Variants in CYP2D6 observed in about 807,000 individuals in gnomAD.
CYP2D6 encodes cytochrome P450 family 2 subfamily D member 6 (gene/pseudogene).
In CYP2D6, 51 loss-of-function variants were observed where a neutral mutation model predicts 43.5. The observed-to-expected ratio is 1.17, with a 90% confidence interval of 0.94 to 1.48. CYP2D6 has a LOEUF of 1.48. Ranked by LOEUF, CYP2D6 falls within the 40% of genes most tolerant of loss-of-function variation. The probability of loss-of-function intolerance (pLI) is 0.00; values close to 1 mark genes in which losing one functional copy is unlikely to be tolerated. For missense variants in CYP2D6, 698 were observed against 688.0 expected (o/e 1.01, Z -0.16); for synonymous variants, 346 against 297.1 (o/e 1.16, Z -1.69).
In CYP2D6 at chr22:42,127,912, G is replaced by A. The variant is rs769291734; in HGVS notation, c.915C>T (p.Ala305=). Residue 305 remains alanine (A), a synonymous_variant, in exon 6 of 9, where the codon GCC becomes GCT. Transcript: ENST00000645361. ...GCGTGGTCGAGGTGGTCACCATCCC[G>A]GCAGAGAACAGGTCAGCCACCACTA... ...LRIVVADLFS[A]GMVTTSTTLA... The A allele has an allele frequency of 5.8e-5, 94 of 1,610,852 alleles. 1 individual carries two copies. Among genetic ancestry groups the A allele is most frequent in the South Asian group, 2.0e-4 (18 of 90,926 alleles).
rs770318615 is a variant in CYP2D6, at chr22:42,128,392, G to C, written c.667-42C>G. 10 of 1,596,968 alleles carry C rather than the reference G, an allele frequency of 6.3e-6. 1 individual carries two copies. The South Asian group carries it at 6.6e-5, about 11-fold the overall frequency. On this transcript the variant is annotated intron_variant, in intron 4 of 8. Coordinates refer to ENST00000645361, the MANE Select transcript of CYP2D6 (RefSeq NM_000106.6). ...GGGGTCTCAATCCCTCCTGTGCTCTGCGTTCACCTGGACAAGTCTCAGGCC... is the reference window on the plus strand; with the variant it reads ...GGGGTCTCAATCCCTCCTGTGCTCTCCGTTCACCTGGACAAGTCTCAGGCC...
At chr22:42,129,560 GC>G (rs756069363) in intron 2 of CYP2D6, among the ~76,000 whole-genome samples, 177 bp downstream of exon 2, 1 of 151,440 alleles carries the variant, frequency 6.6e-6, no homozygotes, top group African/African-American at 2.4e-5. Flanking sequence ...CTCGTCACAA[GC>G]CCCGCCCTCG....
intron 6 of CYP2D6, 38 bp downstream of exon 6, chr22:42,127,804 C>A (rs747917111): frequency 1.2e-6 from 2 of 1,607,258 alleles, no homozygotes; most frequent in Admixed American, 3.3e-5. Flanking sequence ...TGTACCCTTC[C>A]TCCCTCGGCC....
At chr22:42,130,587 C>G in intron 1 of CYP2D6, 25 bp downstream of exon 1, 2 of 1,528,088 alleles carry the variant, frequency 1.3e-6, no homozygotes, top group Non-Finnish European at 1.8e-6. Flanking sequence ...GCACCTCTGC[C>G]GCCCTCCAGG....
Position 42,129,713 on chromosome 22 carries a change from T to C in CYP2D6, c.352+25A>G, listed in dbSNP as rs200491483. 211 of 1,608,950 alleles carry C rather than the reference T, an allele frequency of 1.3e-4. 10 individuals carry two copies. Among genetic ancestry groups the C allele is most frequent in the Middle Eastern group, 5.0e-4 (3 of 6,056 alleles). On this transcript the variant is annotated intron_variant, in intron 2 of 8. Coordinates refer to ENST00000645361, the MANE Select transcript of CYP2D6 (RefSeq NM_000106.6). ...CACCCACCCGGGTCCCACGGAAATC[T>C]GTCTCTGTCCCCACCGCTGCTTGCC...
Position 42,128,345 on chromosome 22 carries a change from C to G in CYP2D6, c.672G>C (p.Leu224=). 1.2e-6 allele frequency: 2 copies of G among 1,610,200 alleles called. No homozygotes were observed. Among genetic ancestry groups the G allele is most frequent in the Non-Finnish European group, 8.5e-7 (1 of 1,177,702 alleles). The change falls in exon 5 of 9, where the codon CTG becomes CTC. Residue 224 remains leucine, a synonymous_variant. Coordinates refer to ENST00000645361, the MANE Select transcript of CYP2D6 (RefSeq NM_000106.6). ...KEESGFLREV[L]NAVPVLLHIP... Reference sequence around the variant, plus strand: ...TATGCAGGAGGACGGGGACAGCATTCAGCACCTACACCAGACAGAACGGGG... The same window carrying G: ...TATGCAGGAGGACGGGGACAGCATTGAGCACCTACACCAGACAGAACGGGG...
rs781257816 is a variant in CYP2D6, at chr22:42,128,877, G to A, written c.573C>T (p.Cys191=). The A allele has an allele frequency of 5.0e-5, 80 of 1,599,744 alleles. No individual in the cohort carries two copies. The highest frequency in any genetic ancestry group is 5.0e-4 in the Middle Eastern group (3 of 6,060). Residue 191 remains cysteine, a synonymous_variant, in exon 4 of 9, where the codon TGC becomes TGT. Transcript: ENST00000645361. ...GGTCGTCGTACTCGAAGCGGCGCCC[G>A]CAGGTGAGGGAGGCGATCACGTTGC... ...AVSNVIASLT[C]GRRFEYDDPR... is the part of the protein sequence containing the mutation.
Position 42,129,835 on chromosome 22 carries a change from C to T in CYP2D6, c.255G>A (p.Ala85=), listed in dbSNP as rs189455593. The T allele has an allele frequency of 2.4e-5, 38 of 1,599,532 alleles. 2 individuals are homozygous for T. The African/African-American group carries it at 3.1e-4, about 13-fold the overall frequency. ...GGGTCACCAGCGCCTCGCGCACGGC[C>T]GCCAGCCCATTGAGCACGACCACCG... ...WTPVVVLNGL[A]AVREALVTHG... Residue 85 remains alanine, a synonymous_variant, in exon 2 of 9, where the codon GCG becomes GCA. Coordinates refer to ENST00000645361, the MANE Select transcript of CYP2D6 (RefSeq NM_000106.6).
intron 7 of CYP2D6, 57 bp from the exon 8 acceptor site, chr22:42,127,049 T>A (rs1338643051): frequency 6.4e-7 from 1 of 1,559,832 alleles, no homozygotes; most frequent in Non-Finnish European, 8.7e-7. Context: ...CTGGGACCCC[T>A]GCCACCAAAC....
chr22:42,129,949 C>A lies in CYP2D6; in HGVS notation c.181-40G>T, dbSNP rs79712708. ...TCAGGGCCTCTTGTCAAGCCAGGAT[C>A]ACCCCAGACTACAGGTCCTAGTCCT... On this transcript the variant is annotated intron_variant, in intron 1 of 8. Transcript: ENST00000645361. 132 of 1,504,164 alleles carry A rather than the reference C, an allele frequency of 8.8e-5. 3 individuals are homozygous for A. The highest frequency in any genetic ancestry group is 1.1e-4 in the Non-Finnish European group (127 of 1,121,038). The allele number at this position is 1,504,164 out of a possible 1,614,324, so 93.2% of individuals were successfully genotyped here. A position where few individuals can be genotyped will look rare whatever the true frequency, so the allele number is the denominator to read the frequency against.
rs574057781 is a variant in CYP2D6, at chr22:42,128,320, T to G, written c.697A>C (p.Ile233Leu). ...AGGACCTTGCCAGCCAGCGCTGGGA[T>G]ATGCAGGAGGACGGGGACAGCATTC... The part of the protein sequence containing the change: ...VLNAVPVLLH[I>L]PALAGKVLRF... Residue 233 changes from isoleucine to leucine, a missense_variant, in exon 5 of 9, where the codon ATC becomes CTC. Ile to Leu is a conservative substitution (Grantham distance 5). Around this residue, in one of 5 missense-constraint regions of CYP2D6, gnomAD observed 588 missense variants for 521.1 expected, o/e 1.13. Coordinates refer to ENST00000645361, the MANE Select transcript of CYP2D6 (RefSeq NM_000106.6). 17 of 1,610,462 alleles carry G rather than the reference T, an allele frequency of 1.1e-5. No individual in the cohort carries two copies. Among genetic ancestry groups the G allele is most frequent in the Non-Finnish European group, 1.1e-5 (13 of 1,177,966 alleles).
chr22:42,128,856 G>C lies in CYP2D6; in HGVS notation c.594C>G (p.Asp198Glu), dbSNP rs773542215. Reference sequence around the variant, plus strand: ...CCAGCAGCCTGAGGAAGCGAGGGTCGTCGTACTCGAAGCGGCGCCCGCAGG... The same window carrying C: ...CCAGCAGCCTGAGGAAGCGAGGGTCCTCGTACTCGAAGCGGCGCCCGCAGG... ...SLTCGRRFEY[D>E]DPRFLRLLDL... is the part of the protein sequence containing the mutation. The change falls in exon 4 of 9, where the codon GAC becomes GAG. Residue 198 changes from aspartate (D) to glutamate (E), a missense_variant. Physicochemically the swap from Asp to Glu is conservative, Grantham distance 45 (BLOSUM62 2). Transcript: ENST00000645361. 3.7e-6 allele frequency: 6 copies of C among 1,604,926 alleles called. No homozygotes were observed. The highest frequency in any genetic ancestry group is 5.1e-6 in the Non-Finnish European group (6 of 1,175,212).
chr22:42,129,297 AGCT>A, intron 2 of CYP2D6, 112 bp from the exon 3 acceptor site: 1 of 1,352,684 alleles, frequency 7.4e-7, no homozygotes, highest in Non-Finnish European at 1.0e-6. Flanking sequence ...GGCTCTGTCC[AGCT>A]GGTCACAGGG....
chr22:42,128,539 C>A (rs1354482075), intron 4 of CYP2D6, among the ~76,000 whole-genome samples, 189 bp from the exon 5 acceptor site: 1 of 150,804 alleles, frequency 6.6e-6, no homozygotes, highest in Non-Finnish European at 1.5e-5. Context: ...AAATCGAAAT[C>A]TCTGACGTGG....
chr22:42,129,733 C>G lies in CYP2D6; in HGVS notation c.352+5G>C. ...AAATCTGTCTCTGTCCCCACCGCTGCTTGCCTTGGGAACGCGGCCCGAAAC... is the reference window on the plus strand; with the variant it reads ...AAATCTGTCTCTGTCCCCACCGCTGGTTGCCTTGGGAACGCGGCCCGAAAC... On this transcript the variant is annotated splice_donor_5th_base_variant and intron_variant, in intron 2 of 8. Transcript: ENST00000645361. The G allele has an allele frequency of 1.2e-6, 2 of 1,609,840 alleles. No individual in the cohort carries two copies. Among genetic ancestry groups the G allele is most frequent in the Non-Finnish European group, 8.5e-7 (1 of 1,178,124 alleles).
intron 7 of CYP2D6, 33 bp downstream of exon 7, chr22:42,127,414 G>A (rs375560773): frequency 1.6e-5 from 24 of 1,525,738 alleles, no homozygotes; most frequent in South Asian, 2.3e-5. Flanking sequence ...AGGTGCTGGT[G>A]CTGAGCTGGG....
At chr22:42,129,458 C>A (rs1446061017) in intron 2 of CYP2D6, 4 of 731,300 alleles carry the variant, frequency 5.5e-6, no homozygotes. Context: ...AGGTGCGGTC[C>A]CCGCCCCCCA....
intron 2 of CYP2D6, 22 bp from the exon 3 acceptor site, chr22:42,129,207 G>A (rs1931585785): frequency 2.5e-6 from 4 of 1,598,572 alleles, no homozygotes; most frequent in Non-Finnish European, 1.7e-6. Flanking sequence ...ACGGGCACGT[G>A]CGCGTGGCCA....
rs752858790 is a variant in CYP2D6 at position 42,127,446 on chromosome 22, C to A, written c.1173+1G>T. 6 of 1,606,128 alleles carry A rather than the reference C, an allele frequency of 3.7e-6. No homozygotes were observed. The highest frequency in any genetic ancestry group is 4.3e-6 in the Non-Finnish European group (5 of 1,173,798). On this transcript the variant is annotated splice_donor_variant, in intron 7 of 8. Coordinates refer to ENST00000645361, the MANE Select transcript of CYP2D6 (RefSeq NM_000106.6). LOFTEE classifies it high-confidence loss of function. ...TGGGGTGAGGAGGGCGCCAGGCCTA[C>A]CTTAGGGATGCGGAAGCCCTGTACT...
Sources: gnomAD v4.1 joint callset for allele counts (sites outside exome capture counted in the v4.1 genomes callset) on GRCh38, gnomAD v4.1.1 for gene constraint, gnomAD v4.1.1 regional missense constraint, MANE v1.5 for transcripts, NCBI Gene and HGNC (gene_info 2026-07-23, HGNC 2026-07-21) for gene names.